The following RBM19 variants were observed in gnomAD, a reference collection of about 807,000 sequenced individuals.
RBM19 encodes probable RNA-binding protein 19.
RBM19 carries 94 observed loss-of-function variants against 116.8 expected under a neutral mutation model. The ratio of observed to expected loss-of-function variants is 0.80; its 90% confidence interval spans 0.68 to 0.95. RBM19 has a LOEUF of 0.95. Ranked by LOEUF, RBM19 falls within the 40% of genes least tolerant of loss-of-function variation. The pLI is 0.00. For synonymous variants in RBM19, 475 were observed against 494.1 expected (o/e 0.96, Z 0.51); for missense variants, 1,161 against 1,220.7 (o/e 0.95, Z 0.73).
Position 113,914,994 on chromosome 12 carries a change from TG to T in RBM19, c.2532del (p.His844GlnfsTer15). 6.2e-7 allele frequency: 1 copy of T among 1,614,156 alleles called. No individual in the cohort carries two copies. Among genetic ancestry groups the T allele is most frequent in the Non-Finnish European group, 8.5e-7 (1 of 1,179,966 alleles). On this transcript the variant is annotated frameshift_variant, in exon 21 of 24. Transcript: ENST00000261741. LOFTEE classifies it high-confidence loss of function. ...ILVRNIPFQAHSREIRELFST... is the reference protein window; with the variant it reads ...ILVRNIPFQAXSREIRELFST... ...CTGAAGAGCTCTCGGATCTCCCGGC[TG>T]TGGGCCTGGAAGGGGATGTTCCGCA...
chr12:113,872,378 C>T (rs1322229440), intron 21 of RBM19, among the ~76,000 whole-genome samples: 4 of 150,822 alleles, frequency 2.7e-5, no homozygotes, highest in African/African-American at 9.7e-5. Context: ...GCAGCCACCC[C>T]GTCCGGGAGG....
chr12:113,954,611 G>T (rs964607726), intron 7 of RBM19, among the ~76,000 whole-genome samples: 3 of 152,158 alleles, frequency 2.0e-5, no homozygotes, highest in Non-Finnish European at 4.4e-5. Flanking sequence ...ACATGGTTTT[G>T]AGTTTTCTAT....
At position 113,949,066 on chromosome 12, in the gene RBM19, G is replaced by A. The variant is rs1050406210; in HGVS notation, c.1073-30C>T. 7.6e-6 allele frequency: 12 copies of A among 1,588,414 alleles called. No homozygotes were observed. The African/African-American group carries it at 1.6e-4, about 21-fold the overall frequency. On this transcript the variant is annotated intron_variant, in intron 9 of 23. Transcript: ENST00000261741. ...AATGAAGAGGAGTCAGGGCTCCAGG[G>A]GGAGGCCTAGAACTTGCCAGCAACT...
chr12:113,878,926 G>A (rs191752315), intron 21 of RBM19, among the ~76,000 whole-genome samples: 130 of 152,054 alleles, frequency 8.5e-4, no homozygotes, highest in Non-Finnish European at 7.2e-4. Flanking sequence ...TGTCACACAC[G>A]CGAGTGAGTG....
intron 21 of RBM19, among the ~76,000 whole-genome samples, chr12:113,881,307 G>GGGAAGGGA (rs1880109398): frequency 6.6e-6 from 1 of 152,178 alleles, no homozygotes; most frequent in South Asian, 2.1e-4. Flanking sequence ...GATCTGTCGT[G>GGGAAGGGA]GGAAGGGAGG....
intron 11 of RBM19, 83 bp downstream of exon 11, chr12:113,947,251 C>T (rs1871103021): frequency 1.4e-6 from 2 of 1,448,714 alleles, no homozygotes; most frequent in Non-Finnish European, 9.2e-7. Flanking sequence ...CCCGTGTCCA[C>T]ACACATACAC....
At chr12:113,870,318 T>A (rs1457130174) in intron 21 of RBM19, among the ~76,000 whole-genome samples, 4 of 152,208 alleles carry the variant, frequency 2.6e-5, no homozygotes, top group Non-Finnish European at 5.9e-5. Flanking sequence ...ATCTCCACTC[T>A]GTGCCCACTC....
At chr12:113,848,687 C>T (rs1293487934) in intron 22 of RBM19, among the ~76,000 whole-genome samples, 1 of 152,118 alleles carries the variant, frequency 6.6e-6, no homozygotes, top group African/African-American at 2.4e-5. Context: ...CTAGCAGCTC[C>T]CTCCCTGGTG....
At chr12:113,878,849 G>C (rs76067478) in intron 21 of RBM19, among the ~76,000 whole-genome samples, 61 of 151,074 alleles carry the variant, frequency 4.0e-4, no homozygotes, top group South Asian at 3.6e-3. Flanking sequence ...AAAAAGGGGG[G>C]GGTGGTGAGA....
intron 16 of RBM19, among the ~76,000 whole-genome samples, chr12:113,936,412 T>C (rs1175303626): frequency 6.6e-6 from 1 of 152,214 alleles, no homozygotes; most frequent in Admixed American, 6.5e-5. Flanking sequence ...TCACAAGGAC[T>C]GGGGGCACTC....
At chr12:113,952,838 C>T (rs1017711) in intron 7 of RBM19, among the ~76,000 whole-genome samples, 10,557 of 152,214 alleles carry the variant, frequency 0.069, 804 homozygotes, top group East Asian at 0.42. Context: ...AGCGATGTCA[C>T]GATCCGCATT....
In RBM19 at chr12:113,939,749, C is replaced by CA. The variant is rs369339749; in HGVS notation, c.1938+210dup. ...TGGGTGACAGAGCAAGACTCTGTCT[C>CA]AAAAAAAAAAAAGAACTTCCGTCTC... On this transcript the variant is annotated intron_variant, in intron 15 of 23. Transcript: ENST00000261741. Among the ~76,000 whole-genome samples, 313 of 140,334 alleles carry CA rather than the reference C, an allele frequency of 2.2e-3. 3 individuals are homozygous for CA. The highest frequency in any genetic ancestry group is 3.9e-3 in the African/African-American group (151 of 38,496). 92.1% of individuals were successfully genotyped at this position (140,334 alleles called of 152,430 possible).
At chr12:113,858,699 C>T (rs1878118899) in intron 22 of RBM19, 92 bp downstream of exon 22, 1 of 1,211,202 alleles carries the variant, frequency 8.3e-7, no homozygotes, top group Admixed American at 1.8e-5. Context: ...GGGGAGGTGA[C>T]TCTGTGTGTG....
In RBM19 at chr12:113,842,092, T is replaced by C. The variant is rs186691011; in HGVS notation, c.2785+2576A>G. On this transcript the variant is annotated intron_variant, in intron 23 of 23. Transcript: ENST00000261741. ...ACTGTCTTTGTTACTGTTATCATTC[T>C]ATCTGCCCCTGTCTGGGCCTTGGCC... Among the ~76,000 whole-genome samples, 367 of 152,368 alleles carry C rather than the reference T, an allele frequency of 2.4e-3. 5 individuals carry two copies. Among genetic ancestry groups the C allele is most frequent in the African/African-American group, 8.4e-3 (350 of 41,588 alleles).
intron 21 of RBM19, among the ~76,000 whole-genome samples, chr12:113,863,236 TGG>T (rs1555232816): frequency 4.9e-5 from 7 of 142,080 alleles, no homozygotes; most frequent in African/African-American, 1.3e-4. Context: ...TGTGTGTGTG[TGG>T]GGCCAGCGTA....
At chr12:113,845,381 T>A (rs1399904769) in intron 22 of RBM19, among the ~76,000 whole-genome samples, 1 of 152,114 alleles carries the variant, frequency 6.6e-6, no homozygotes, top group African/African-American at 2.4e-5. Flanking sequence ...TGGCACAGGC[T>A]GTTCCCGCTT....
chr12:113,950,559 C>T (rs951154295), intron 8 of RBM19, among the ~76,000 whole-genome samples: 9 of 152,146 alleles, frequency 5.9e-5, no homozygotes, highest in African/African-American at 1.9e-4. Context: ...CTCCTGGGCA[C>T]CTGAGGCCTT....
At chr12:113,865,827 G>C (rs1453623454) in intron 21 of RBM19, among the ~76,000 whole-genome samples, 1 of 139,430 alleles carries the variant, frequency 7.2e-6, no homozygotes, top group African/African-American at 2.6e-5. Flanking sequence ...ATCACAGCAA[G>C]AAAAAAAAAA....
intron 16 of RBM19, among the ~76,000 whole-genome samples, chr12:113,928,319 AGAGT>A: frequency 6.6e-6 from 1 of 152,126 alleles, no homozygotes; most frequent in East Asian, 2.0e-4. Flanking sequence ...CCTGGGTGAC[AGAGT>A]GAGACTCCAT....
Sources: gnomAD v4.1 joint callset for allele counts (sites outside exome capture counted in the v4.1 genomes callset) on GRCh38, gnomAD v4.1.1 for gene constraint, MANE v1.5 for transcripts, NCBI Gene and HGNC (gene_info 2026-07-23, HGNC 2026-07-21) for gene names.